Variants in MBIP observed in about 807,000 individuals in gnomAD.
MBIP encodes the protein MAP3K12 binding inhibitory protein 1.
Under a neutral mutation model 45.7 loss-of-function variants are expected in MBIP, and 32 were observed. The observed-to-expected ratio is 0.70, with a 90% CI of 0.53 to 0.94. The LOEUF (loss-of-function observed/expected upper bound fraction) is 0.94. Among genes scored for constraint, MBIP ranks in the 40% least tolerant of loss-of-function variants. MBIP has a pLI of 0.00. For synonymous variants in MBIP, 145 were observed against 141.0 expected (o/e 1.03, Z -0.20); for missense variants, 381 against 405.5 (o/e 0.94, Z 0.52).
rs1879347561 is a variant in MBIP at position 36,298,678 on chromosome 14, CTTA to C, written c.*402_*404del. On this transcript the variant is annotated 3_prime_UTR_variant, in exon 9 of 9. Transcript: ENST00000416007. Reference sequence around the variant, plus strand: ...TCAGTCAATAAATTTTTGTTGAATGCTTATTATATGCAAAGTACTGATTTAAAC... The same window carrying C: ...TCAGTCAATAAATTTTTGTTGAATGCTTATATGCAAAGTACTGATTTAAAC... 6.5e-6 allele frequency: 1 copy of C among 154,492 alleles called. No homozygotes were observed. Among genetic ancestry groups the C allele is most frequent in the Non-Finnish European group, 1.4e-5 (1 of 69,448 alleles). 9.6% of individuals were successfully genotyped at this position (154,492 alleles called of 1,614,324 possible).
In MBIP at chr14:36,299,723, C is replaced by G. The variant is rs551346361; in HGVS notation, c.928-533G>C. On this transcript the variant is annotated intron_variant, in intron 8 of 8. Coordinates refer to ENST00000416007, the MANE Select transcript of MBIP (RefSeq NM_016586.3). Reference sequence around the variant, plus strand: ...AAAAATCATTTGAGACATCAACTATCCCTTTTAATGGAAAACTTTCTATGT... The same window carrying G: ...AAAAATCATTTGAGACATCAACTATGCCTTTTAATGGAAAACTTTCTATGT... Among the ~76,000 whole-genome samples the G allele has an allele frequency of 1.8e-4, 28 of 152,258 alleles. 1 individual carries two copies. The highest frequency in any genetic ancestry group is 6.5e-5 in the Admixed American group (1 of 15,304).
At chr14:36,319,339 T>TA (rs1566557981) in intron 1 of MBIP, among the ~76,000 whole-genome samples, 1 of 152,154 alleles carries the variant, frequency 6.6e-6, no homozygotes, top group Non-Finnish European at 1.5e-5. Context: ...CCCAAGTCTT[T>TA]AAAAAATGTT....
At chr14:36,314,660 C>T in intron 3 of MBIP, 31 bp downstream of exon 3, 1 of 1,605,294 alleles carries the variant, frequency 6.2e-7, no homozygotes, top group Non-Finnish European at 8.5e-7. Flanking sequence ...TAAAATAATA[C>T]CCTCTCGCCC....
intron 4 of MBIP, chr14:36,313,525 C>T (rs1036419518): frequency 1.3e-5 from 2 of 152,146 alleles, no homozygotes; most frequent in African/African-American, 4.8e-5. Flanking sequence ...AACCCTTTCT[C>T]ATAGTCGCTT....
At chr14:36,303,012 C>T (rs1469533913) in intron 7 of MBIP, among the ~76,000 whole-genome samples, 2 of 152,162 alleles carry the variant, frequency 1.3e-5, no homozygotes, top group Non-Finnish European at 2.9e-5. Flanking sequence ...GGGTAAACAC[C>T]CGATACTCTA....
intron 1 of MBIP, among the ~76,000 whole-genome samples, chr14:36,320,160 T>C (rs1366764246): frequency 6.6e-6 from 1 of 152,018 alleles, no homozygotes; most frequent in Non-Finnish European, 1.5e-5. Context: ...AAACTCGCAG[T>C]GAAGCTTTTC....
chr14:36,303,888 T>A (rs549618319), intron 7 of MBIP, among the ~76,000 whole-genome samples: 1 of 152,314 alleles, frequency 6.6e-6, no homozygotes, highest in South Asian at 2.1e-4. Flanking sequence ...CTGGCTTGGA[T>A]AATGACATGT....
At chr14:36,313,664 C>G (rs1221343155) in intron 4 of MBIP, 2 of 152,034 alleles carry the variant, frequency 1.3e-5, no homozygotes, top group Non-Finnish European at 2.9e-5. Context: ...ATTCAGGACC[C>G]AATACCAGCC....
At chr14:36,319,910 T>C (rs1311363447) in intron 1 of MBIP, 1 of 164,392 alleles carries the variant, frequency 6.1e-6, no homozygotes, top group African/African-American at 2.4e-5. Flanking sequence ...ACGCTAGAAG[T>C]ATTTTAAATG....
intron 2 of MBIP, among the ~76,000 whole-genome samples, chr14:36,316,045 A>G (rs560152670): frequency 1.3e-5 from 2 of 152,302 alleles, no homozygotes; most frequent in Admixed American, 1.3e-4. Flanking sequence ...AGAAACCAGC[A>G]AGGTCATAAT....
chr14:36,313,518 C>T (rs1227341805), intron 4 of MBIP: 2 of 152,118 alleles, frequency 1.3e-5, no homozygotes, highest in Admixed American at 6.6e-5. Flanking sequence ...CTCAACAAAC[C>T]CTTTCTCATA....
chr14:36,315,745 T>C (rs1184879204), intron 2 of MBIP, among the ~76,000 whole-genome samples: 3 of 152,094 alleles, frequency 2.0e-5, no homozygotes, highest in Non-Finnish European at 4.4e-5. Context: ...ACTTTTAACA[T>C]GAAACAGTTA....
chr14:36,300,717 T>A (rs1879490994), intron 8 of MBIP, 68 bp downstream of exon 8: 1 of 1,209,588 alleles, frequency 8.3e-7, no homozygotes, highest in Admixed American at 2.7e-5. Flanking sequence ...TAGAAACTTT[T>A]ATTAATAAGA....
intron 7 of MBIP, among the ~76,000 whole-genome samples, chr14:36,306,856 A>C (rs971949712): frequency 2.0e-5 from 3 of 152,256 alleles, no homozygotes; most frequent in African/African-American, 7.2e-5. Context: ...TTCAAAGAAT[A>C]ATCCTAAAAG....
At chr14:36,306,423 TTTTTTTA>T (rs1366781692) in intron 7 of MBIP, among the ~76,000 whole-genome samples, 2 of 151,924 alleles carry the variant, frequency 1.3e-5, no homozygotes, top group Non-Finnish European at 2.9e-5. Context: ...CCCAGCTTAT[TTTTTTTA>T]TTTTTTATTT....
At chr14:36,314,943 A>C in intron 2 of MBIP, 28 bp from the exon 3 acceptor site, 1 of 1,446,816 alleles carries the variant, frequency 6.9e-7, no homozygotes, top group Non-Finnish European at 9.7e-7. Flanking sequence ...CCATCTGCTG[A>C]GGTTCAATCT....
intron 7 of MBIP, chr14:36,305,370 A>G (rs554855354): frequency 2.0e-5 from 3 of 152,160 alleles, no homozygotes; most frequent in Admixed American, 6.5e-5. Context: ...GTAGCTCACT[A>G]CTAATTTAAT....
chr14:36,308,013 C>T, intron 7 of MBIP, 79 bp downstream of exon 7: 1 of 751,930 alleles, frequency 1.3e-6, no homozygotes, highest in Non-Finnish European at 2.2e-6. Context: ...GCTTATAGAT[C>T]AATGAGTGAC....
chr14:36,300,095 T>C (rs1352030108), intron 8 of MBIP, among the ~76,000 whole-genome samples: 1 of 152,166 alleles, frequency 6.6e-6, no homozygotes, highest in East Asian at 1.9e-4. Flanking sequence ...AGTGTTACAG[T>C]TTACTACATA....
Sources: gnomAD v4.1 joint callset for allele counts (sites outside exome capture counted in the v4.1 genomes callset) on GRCh38, gnomAD v4.1.1 for gene constraint, MANE v1.5 for transcripts, NCBI Gene and HGNC (gene_info 2026-07-23, HGNC 2026-07-21) for gene names.